RTF2: variants seen among roughly 807,000 people sequenced by gnomAD.
The protein encoded by RTF2 is UPF0549 protein C20orf43.
Under a neutral mutation model 38.0 loss-of-function variants are expected in RTF2, and 18 were observed. The observed-to-expected ratio is 0.47, with a 90% CI of 0.33 to 0.70. The LOEUF is 0.70. RTF2 is among the 30% of genes least tolerant of loss of function. RTF2 has a pLI of 0.02. For synonymous variants in RTF2, 126 were observed against 137.1 expected (o/e 0.92, Z 0.57); for missense variants, 311 against 379.6 (o/e 0.82, Z 1.50).
chr20:56,497,383 A>G (rs1181105287), intron 5 of RTF2: 1 of 1,549,858 alleles, frequency 6.5e-7, no homozygotes, highest in Non-Finnish European at 8.7e-7. Flanking sequence ...TGTATTTCAG[A>G]TTTATGAGGG....
chr20:56,482,276 A>T (rs1325277420), intron 4 of RTF2, among the ~76,000 whole-genome samples: 1 of 152,250 alleles, frequency 6.6e-6, no homozygotes, highest in African/African-American at 2.4e-5. Flanking sequence ...CAGTATTTGC[A>T]TATAACCTAC....
At chr20:56,485,808 G>T (rs562205320) in intron 5 of RTF2, among the ~76,000 whole-genome samples, 7 of 152,336 alleles carry the variant, frequency 4.6e-5, no homozygotes, top group African/African-American at 1.7e-4. Context: ...GGATGACATG[G>T]TTCCTGCACT....
chr20:56,471,136 C>CA (rs1981938534), intron 1 of RTF2, among the ~76,000 whole-genome samples: 1 of 152,112 alleles, frequency 6.6e-6, no homozygotes, highest in Non-Finnish European at 1.5e-5. Context: ...AGGCCATATC[C>CA]AAATAGGTGG....
intron 5 of RTF2, among the ~76,000 whole-genome samples, chr20:56,503,202 G>A (rs1984033344): frequency 6.6e-6 from 1 of 152,172 alleles, no homozygotes; most frequent in East Asian, 1.9e-4. Flanking sequence ...CTCAATGTTA[G>A]CACAATGTTT....
chr20:56,489,919 C>T (rs773659104), intron 5 of RTF2, among the ~76,000 whole-genome samples: 2 of 152,192 alleles, frequency 1.3e-5, no homozygotes, highest in Non-Finnish European at 1.5e-5. Flanking sequence ...TTGGGGGCGC[C>T]GTGTTTGCCT....
At chr20:56,511,902 G>A (rs2146373654) in intron 5 of RTF2, among the ~76,000 whole-genome samples, 1 of 152,004 alleles carries the variant, frequency 6.6e-6, no homozygotes, top group East Asian at 1.9e-4. Flanking sequence ...GCACGATCTC[G>A]GCTCACCATA....
intron 1 of RTF2, chr20:56,472,217 T>C (rs1415287874): frequency 2.9e-6 from 2 of 697,056 alleles, no homozygotes; most frequent in Non-Finnish European, 4.8e-6. Context: ...CAAGACCCTG[T>C]CTCAAAAAAT....
In RTF2 at chr20:56,513,090, C is replaced by T. The variant is rs544061520; in HGVS notation, c.478-225C>T. 2.0e-5 allele frequency among the ~76,000 whole-genome samples: 3 copies of T among 152,336 alleles called. No homozygotes were observed. The South Asian group carries it at 6.2e-4, about 32-fold the overall frequency. On this transcript the variant is annotated intron_variant, in intron 5 of 8. Coordinates refer to ENST00000357348, the MANE Select transcript of RTF2 (RefSeq NM_016407.5). ...CCCTCCCAAAATCCAAGTTCCCAGA[C>T]ACCATCCAGGCACCAGCCTTGCAAG...
chr20:56,485,119 G>A (rs1273661439), intron 5 of RTF2, among the ~76,000 whole-genome samples: 3 of 152,114 alleles, frequency 2.0e-5, no homozygotes, highest in East Asian at 1.9e-4. Flanking sequence ...AGGCAGAATC[G>A]ATTGTGACCG....
chr20:56,473,708 A>AC lies in RTF2; in HGVS notation c.164+317dup, dbSNP rs138749843. On this transcript the variant is annotated intron_variant, in intron 2 of 8. Transcript: ENST00000357348. ...AGACCAGTCTGGGCAATGTGGTGAAACCCCACCTCTACAAAAAAATTAAAT... is the reference window on the plus strand; with the variant it reads ...AGACCAGTCTGGGCAATGTGGTGAAACCCCCACCTCTACAAAAAAATTAAAT... Among the ~76,000 whole-genome samples, 421 of 152,004 alleles carry AC rather than the reference A, an allele frequency of 2.8e-3. 2 individuals are homozygous for AC. The highest frequency in any genetic ancestry group is 9.6e-3 in the African/African-American group (398 of 41,440).
rs928590046 is a variant in RTF2, at chr20:56,516,735, A to G, written c.592-200A>G. ...CAGATACATTTTTGTGTGAGGCAGA[A>G]GTGCATGACTGGTGTCACATGCAGA... On this transcript the variant is annotated intron_variant, in intron 6 of 8. Transcript: ENST00000357348. The G allele has an allele frequency of 7.0e-5, 43 of 615,602 alleles. No homozygotes were observed. The African/African-American group carries it at 7.7e-4, about 11-fold the overall frequency. The allele number at this position is 615,602 out of a possible 1,614,324, so 38.1% of individuals were successfully genotyped here.
chr20:56,488,776 C>T (rs778763638), intron 5 of RTF2, among the ~76,000 whole-genome samples: 2 of 152,240 alleles, frequency 1.3e-5, no homozygotes, highest in Non-Finnish European at 2.9e-5. Flanking sequence ...GACTGAGGGT[C>T]TGATAAGGAG....
intron 4 of RTF2, 34 bp from the exon 5 acceptor site, chr20:56,484,077 A>C (rs747289042): frequency 6.3e-7 from 1 of 1,588,002 alleles, no homozygotes; most frequent in Non-Finnish European, 8.6e-7. Flanking sequence ...CATGTGATTA[A>C]TACAGTCCTT....
intron 5 of RTF2, among the ~76,000 whole-genome samples, chr20:56,492,226 C>G (rs1227389648): frequency 6.6e-6 from 1 of 151,616 alleles, no homozygotes; most frequent in East Asian, 2.0e-4. Flanking sequence ...CCCAGACATG[C>G]ACCACCATGC....
intron 5 of RTF2, among the ~76,000 whole-genome samples, chr20:56,495,742 C>T (rs6064404): frequency 0.43 from 64,876 of 151,982 alleles, 14,050 homozygotes; most frequent in Non-Finnish European, 0.45. Flanking sequence ...GTCTACTGGA[C>T]TCATCGTACA....
chr20:56,512,443 G>T (rs1350506717), intron 5 of RTF2, among the ~76,000 whole-genome samples: 1 of 152,148 alleles, frequency 6.6e-6, no homozygotes, highest in Non-Finnish European at 1.5e-5. Flanking sequence ...CAGAAAGAGT[G>T]CTGGGATCCC....
In RTF2 at chr20:56,498,764, T is replaced by C. The variant is rs184557690; in HGVS notation, c.478-14551T>C. 5.6e-3 allele frequency among the ~76,000 whole-genome samples: 855 copies of C among 152,344 alleles called. 4 individuals are homozygous for C. Among genetic ancestry groups the C allele is most frequent in the Non-Finnish European group, 8.4e-3 (569 of 68,022 alleles). On this transcript the variant is annotated intron_variant, in intron 5 of 8. Coordinates refer to ENST00000357348, the MANE Select transcript of RTF2 (RefSeq NM_016407.5). ...TATTGTTAGAAAGTATTTGTTTTTC[T>C]TGTTTATGAATCTTGACTTGGTTTC...
In RTF2 at chr20:56,516,976, A is replaced by G; in HGVS notation, c.633A>G (p.Pro211=). 6.2e-7 allele frequency: 1 copy of G among 1,614,120 alleles called. No individual in the cohort carries two copies. Among genetic ancestry groups the G allele is most frequent in the Non-Finnish European group, 8.5e-7 (1 of 1,179,914 alleles). ...AGGCAGCAGAGTCTGTTTCAAAACCAGATGTCAGTGAAGGTAAGATCCTTC... is the reference window on the plus strand; with the variant it reads ...AGGCAGCAGAGTCTGTTTCAAAACCGGATGTCAGTGAAGGTAAGATCCTTC... ...KPKAAESVSK[P]DVSEEAPGPS... The change falls in exon 7 of 9, where the codon CCA becomes CCG. Residue 211 remains proline, a synonymous_variant. Transcript: ENST00000357348.
intron 5 of RTF2, among the ~76,000 whole-genome samples, chr20:56,493,691 T>C (rs1020892109): frequency 7.3e-5 from 11 of 149,928 alleles, no homozygotes; most frequent in African/African-American, 2.7e-4. Flanking sequence ...ATATGAAGAC[T>C]ATCAGTGGGA....
Sources: allele counts gnomAD v4.1 joint callset (sites outside exome capture counted in the v4.1 genomes callset), GRCh38; gene constraint gnomAD v4.1.1; transcripts MANE v1.5; gene names NCBI Gene and HGNC (gene_info 2026-07-23, HGNC 2026-07-21).